The following TRIM66 variants were observed in gnomAD, a reference collection of about 807,000 sequenced individuals.
TRIM66 encodes the protein tripartite motif containing 66, also known as tripartite motif-containing protein 66.
TRIM66 carries 99 observed loss-of-function variants against 148.2 expected under a neutral mutation model. That is an observed-to-expected ratio of 0.67 (90% CI 0.57 to 0.79). The LOEUF is 0.79. Among genes scored for constraint, TRIM66 ranks in the 30% least tolerant of loss-of-function variants. The pLI is 0.00. For missense variants in TRIM66, 1,666 were observed against 1,697.9 expected (o/e 0.98, Z 0.33); for synonymous variants, 616 against 635.9 (o/e 0.97, Z 0.47).
At position 8,617,895 on chromosome 11, in the gene TRIM66, C is replaced by T. The variant is rs966537520; in HGVS notation, c.*49G>A. ...AAGCTGCAAGATGGGGAGGAATGGT[C>T]GACAGTATGGGACAACAGCTGCCAG... is the stretch of plus-strand genomic sequence containing the variant. On this transcript the variant is annotated 3_prime_UTR_variant, in exon 25 of 25. Transcript: ENST00000646038. The T allele has an allele frequency of 4.6e-6, 7 of 1,529,940 alleles. No individual in the cohort carries two copies. The highest frequency in any genetic ancestry group is 6.2e-6 in the Non-Finnish European group (7 of 1,127,326). 94.8% of individuals were successfully genotyped at this position (1,529,940 alleles called of 1,614,324 possible).
In TRIM66 at chr11:8,640,927, G is replaced by A. The variant is rs552975454; in HGVS notation, c.1448C>T (p.Pro483Leu). Reference protein sequence around the residue: ...VSPSLKGQVPPPSIHPAHSFR... With the variant: ...VSPSLKGQVPLPSIHPAHSFR... ...GCTGTGGGCTGGGTGTATGCTGGGT[G>A]GGGGGACCTGGCCTTTGAGGGAAGG... Residue 483 changes from proline to leucine, a missense_variant, in exon 14 of 25, where the codon CCA (proline) becomes CTA (leucine). This residue lies in a region of TRIM66 where 1,431 missense variants were observed against 1,412.4 expected (regional missense o/e 1.01). Transcript: ENST00000646038. The A allele has an allele frequency of 1.9e-6, 3 of 1,550,832 alleles. No homozygotes were observed. Among genetic ancestry groups the A allele is most frequent in the East Asian group, 2.4e-5 (1 of 40,916 alleles).
intron 6 of TRIM66, among the ~76,000 whole-genome samples, chr11:8,663,770 T>C (rs887132925): frequency 3.3e-4 from 50 of 152,240 alleles, no homozygotes; most frequent in South Asian, 1.9e-3. Context: ...GAAAATGTGA[T>C]ATATATACAC....
Position 8,617,722 on chromosome 11 carries a change from A to C in TRIM66, c.*222T>G, listed in dbSNP as rs943067071. 2 of 545,410 alleles carry C rather than the reference A, an allele frequency of 3.7e-6. No homozygotes were observed. The highest frequency in any genetic ancestry group is 3.3e-6 in the Non-Finnish European group (1 of 306,828). The allele number at this position is 545,410 out of a possible 1,614,324, so 33.8% of individuals were successfully genotyped here. A position where few individuals can be genotyped will look rare whatever the true frequency, so the allele number is the denominator to read the frequency against. ...ACATCTGATTACTCTGGTAATAATA[A>C]ATACCTTCCTCTTTCCTGTTTATTA... is the stretch of plus-strand genomic sequence containing the variant. On this transcript the variant is annotated 3_prime_UTR_variant, in exon 25 of 25. Transcript: ENST00000646038.
rs2141746283 is a variant in TRIM66, at chr11:8,614,559, G to A, written c.*3385C>T. The A allele has an allele frequency of 6.6e-6, 1 of 152,500 alleles. No individual in the cohort carries two copies. Among genetic ancestry groups the A allele is most frequent in the South Asian group, 2.1e-4 (1 of 4,830 alleles). The allele number at this position is 152,500 out of a possible 1,614,324, so 9.4% of individuals were successfully genotyped here. A position where few individuals can be genotyped will look rare whatever the true frequency, so the allele number is the denominator to read the frequency against. ...GGCAATTTTAGCAGTACTGAGGGATGGAGAAGAAGCCCAGGAAGGGGTGAT... is the reference window on the plus strand; with the variant it reads ...GGCAATTTTAGCAGTACTGAGGGATAGAGAAGAAGCCCAGGAAGGGGTGAT... On this transcript the variant is annotated 3_prime_UTR_variant, in exon 25 of 25. Coordinates refer to ENST00000646038, the MANE Select transcript of TRIM66 (RefSeq NM_001388022.1).
At chr11:8,674,220 A>G (rs1385984497) in intron 4 of TRIM66, among the ~76,000 whole-genome samples, 1 of 152,244 alleles carries the variant, frequency 6.6e-6, no homozygotes, top group Non-Finnish European at 1.5e-5. Context: ...GCTATTTACC[A>G]CACTAGAAGT....
chr11:8,641,122 G>A lies in TRIM66; in HGVS notation c.1253C>T (p.Ser418Phe), dbSNP rs1180021243. Residue 418 changes from serine to phenylalanine, a missense_variant, in exon 14 of 25, where the codon TCC becomes TTC. Physicochemically the swap from Ser to Phe is radical, Grantham distance 155 (BLOSUM62 -2). Around this residue, in one of 3 missense-constraint regions of TRIM66, gnomAD observed 1,431 missense variants for 1,412.4 expected, o/e 1.01. Transcript: ENST00000646038. ...GCITTEGGQM[S>F]RADAPAYGGL... ...TCCATAAGCAGGAGCATCTGCCCTG[G>A]ACATTTGTCCACCTTCAGTAGTTAT... is the stretch of plus-strand genomic sequence containing the variant. The A allele has an allele frequency of 2.6e-6, 4 of 1,551,324 alleles. No homozygotes were observed. Among genetic ancestry groups the A allele is most frequent in the Non-Finnish European group, 3.5e-6 (4 of 1,146,796 alleles).
Position 8,640,985 on chromosome 11 carries a change from A to G in TRIM66, c.1390T>C (p.Ser464Pro), listed in dbSNP as rs1273203236. The change falls in exon 14 of 25, where the codon TCT (serine) becomes CCT (proline). Residue 464 changes from serine to proline, a missense_variant. Transcript: ENST00000646038. ...GGGGAGCAGTGGGAGCAGCACACAG[A>G]TGAGGAGCACACTGCTGGAGACTGG... ...KFQSPAVCSS[S>P]VCCSHCSPVS... The G allele has an allele frequency of 1.9e-6, 3 of 1,551,444 alleles. No individual in the cohort carries two copies. In the South Asian group the frequency reaches 3.6e-5, roughly 18 times the overall value.
At position 8,612,811 on chromosome 11, in the gene TRIM66, T is replaced by C. The variant is rs573499386; in HGVS notation, c.*5133A>G. 2 of 152,476 alleles carry C rather than the reference T, an allele frequency of 1.3e-5. No homozygotes were observed. Among genetic ancestry groups the C allele is most frequent in the Admixed American group, 6.5e-5 (1 of 15,300 alleles). The allele number at this position is 152,476 out of a possible 1,614,324, so 9.4% of individuals were successfully genotyped here. A position where few individuals can be genotyped will look rare whatever the true frequency, so the allele number is the denominator to read the frequency against. On this transcript the variant is annotated 3_prime_UTR_variant, in exon 25 of 25. Transcript: ENST00000646038. ...CAGCACTGACATGCACGGAAACACA[T>C]CTTACCACAATCCCAGGCTCCTTCC...
At chr11:8,632,178 T>A (rs1296572443) in intron 15 of TRIM66, among the ~76,000 whole-genome samples, 1 of 152,064 alleles carries the variant, frequency 6.6e-6, no homozygotes, top group Non-Finnish European at 1.5e-5. Context: ...TGTGGTGGCA[T>A]GCGCCTGCAG....
chr11:8,626,309 T>C (rs140152299), intron 15 of TRIM66, among the ~76,000 whole-genome samples: 1 of 152,348 alleles, frequency 6.6e-6, no homozygotes, highest in Non-Finnish European at 1.5e-5. Flanking sequence ...TCTATCTAAG[T>C]TTCCAAAATC....
At chr11:8,669,643 A>T (rs1592201113) in intron 6 of TRIM66, among the ~76,000 whole-genome samples, 1 of 47,616 alleles carries the variant, frequency 2.1e-5, no homozygotes, top group Non-Finnish European at 3.8e-5. Context: ...ACCCTGTCTC[A>T]AAAAAAAAAA....
intron 10 of TRIM66, 25 bp from the exon 11 acceptor site, chr11:8,646,586 T>C: frequency 1.3e-6 from 2 of 1,529,064 alleles, no homozygotes; most frequent in East Asian, 2.5e-5. Flanking sequence ...GGACAAACCA[T>C]GGTAAGCTTT....
In TRIM66 at chr11:8,670,292, G is replaced by A. The variant is rs978841837; in HGVS notation, c.340+1494C>T. ...CTCCCAAAGTGCTGGGATTATAGGC[G>A]TGAGCCACTGCACCAGGCCTGATAG... On this transcript the variant is annotated intron_variant, in intron 6 of 24. Transcript: ENST00000646038. Among the ~76,000 whole-genome samples the A allele has an allele frequency of 5.9e-5, 9 of 152,238 alleles. No individual in the cohort carries two copies. In the East Asian group the frequency reaches 1.2e-3, roughly 20 times the overall value.
chr11:8,624,582 A>G, intron 16 of TRIM66, 31 bp from the exon 17 acceptor site: 2 of 1,513,174 alleles, frequency 1.3e-6, no homozygotes, highest in Non-Finnish European at 1.8e-6. Flanking sequence ...ACAAGAATCA[A>G]AGAACTCAGA....
chr11:8,633,716 A>G (rs2035625000), intron 15 of TRIM66, among the ~76,000 whole-genome samples: 2 of 152,212 alleles, frequency 1.3e-5, no homozygotes, highest in Non-Finnish European at 2.9e-5. Flanking sequence ...GATCCATAGC[A>G]GTAGCTTTGG....
At chr11:8,633,343 A>G (rs899039338) in intron 15 of TRIM66, among the ~76,000 whole-genome samples, 1 of 152,098 alleles carries the variant, frequency 6.6e-6, no homozygotes, top group Non-Finnish European at 1.5e-5. Context: ...AATTATTTTG[A>G]ATAGGAGTAC....
upstream of TRIM66, chr11:8,682,916 T>A: frequency 1.4e-6 from 2 of 1,448,264 alleles, no homozygotes; most frequent in Admixed American, 4.5e-5. Context: ...TGGTCGGGGC[T>A]TCCAGGCTGC....
chr11:8,649,808 G>C lies in TRIM66; in HGVS notation c.524C>G (p.Thr175Arg). 1 of 1,551,732 alleles carries C rather than the reference G, an allele frequency of 6.4e-7. No homozygotes were observed. Among genetic ancestry groups the C allele is most frequent in the Non-Finnish European group, 8.7e-7 (1 of 1,147,012 alleles). Residue 175 changes from threonine (T) to arginine (R), a missense_variant, in exon 8 of 25, where the codon ACA (threonine) becomes AGA (arginine). Thr to Arg is a moderately conservative substitution (Grantham distance 71). Coordinates refer to ENST00000646038, the MANE Select transcript of TRIM66 (RefSeq NM_001388022.1). ...GACAGGGCTGTGTCGGTGTTCCTCT[G>C]TGCAAGAGCTGCACAGCCAGCGATT... ...YCNRWLCSSC[T>R]EEHRHSPVPG...
chr11:8,675,882 G>A (rs2039154766), intron 3 of TRIM66, among the ~76,000 whole-genome samples: 1 of 152,088 alleles, frequency 6.6e-6, no homozygotes, highest in African/African-American at 2.4e-5. Context: ...GGGATTACAG[G>A]CATGCACCAC....
Sources: allele counts gnomAD v4.1 joint callset (sites outside exome capture counted in the v4.1 genomes callset), GRCh38; gene constraint gnomAD v4.1.1; regional missense constraint gnomAD v4.1.1; transcripts MANE v1.5; gene names NCBI Gene and HGNC (gene_info 2026-07-23, HGNC 2026-07-21).